TMEM131: variants seen among roughly 807,000 people sequenced by gnomAD.
The protein encoded by TMEM131 is 2610524E03Rik.
A neutral mutation model predicts 211.6 loss-of-function variants in TMEM131; 66 were observed. That is an observed-to-expected ratio of 0.31 (90% confidence interval 0.26 to 0.38). The LOEUF (loss-of-function observed/expected upper bound fraction) is 0.38. Among genes scored for constraint, TMEM131 ranks in the 10% least tolerant of loss-of-function variants. The probability of loss-of-function intolerance (pLI) is 1.00; values close to 1 mark genes in which losing one functional copy is unlikely to be tolerated. For synonymous variants in TMEM131, 844 were observed against 841.3 expected (o/e 1.00, Z -0.06); for missense variants, 2,036 against 2,299.3 (o/e 0.89, Z 2.34).
At chr2:97,758,654 C>T (rs530665933) in intron 40 of TMEM131, among the ~76,000 whole-genome samples, 5 of 152,360 alleles carry the variant, frequency 3.3e-5, no homozygotes, top group African/African-American at 1.2e-4. Flanking sequence ...AGACCAACCC[C>T]ATAGCTGTTC....
intron 31 of TMEM131, among the ~76,000 whole-genome samples, chr2:97,777,911 C>T (rs1679814262): frequency 6.6e-6 from 1 of 152,204 alleles, no homozygotes; most frequent in East Asian, 1.9e-4. Flanking sequence ...AGCTTCTCCC[C>T]ATCATGGTAG....
rs1490623019 is a variant in TMEM131, at chr2:97,811,227, T to C, written c.1869A>G (p.Thr623=). The C allele has an allele frequency of 6.2e-7, 1 of 1,612,160 alleles. No homozygotes were observed. The highest frequency in any genetic ancestry group is 8.5e-7 in the Non-Finnish European group (1 of 1,178,388). The change falls in exon 18 of 41, where the codon ACA becomes ACG. Residue 623 remains threonine (T), a synonymous_variant. Coordinates refer to ENST00000186436, the MANE Select transcript of TMEM131 (RefSeq NM_015348.2). ...AGACTGCAAAATAGCCTGAAGCTAA[T>C]GTTACCTGTAGATAGTAGAAATGGT... ...KSSLSDQSSV[T]LASGYFAVFR...
intron 8 of TMEM131, among the ~76,000 whole-genome samples, chr2:97,835,953 C>A (rs906423888): frequency 1.3e-5 from 2 of 152,136 alleles, no homozygotes; most frequent in Non-Finnish European, 2.9e-5. Flanking sequence ...AATCTGAATT[C>A]TCTTAGGTTT....
intron 1 of TMEM131, among the ~76,000 whole-genome samples, chr2:97,942,993 GA>G (rs1409565904): frequency 3.3e-5 from 1 of 30,742 alleles, no homozygotes; most frequent in Non-Finnish European, 6.9e-5. Context: ...AGAAAAGAAA[GA>G]AAAGAAAGAA....
chr2:97,923,835 C>A (rs963667810), intron 2 of TMEM131, among the ~76,000 whole-genome samples: 4 of 151,952 alleles, frequency 2.6e-5, no homozygotes, highest in Non-Finnish European at 4.4e-5. Flanking sequence ...AATCCCCGCA[C>A]TTGGGGAGGC....
At chr2:97,879,541 A>G (rs1674836275) in intron 4 of TMEM131, among the ~76,000 whole-genome samples, 1 of 152,202 alleles carries the variant, frequency 6.6e-6, no homozygotes, top group Non-Finnish European at 1.5e-5. Context: ...GTTATGCAGA[A>G]TGTCCTTATA....
chr2:97,757,267 G>A lies in TMEM131; in HGVS notation c.5484C>T (p.Ser1828=), dbSNP rs1447027087. The stretch of plus-strand genomic sequence containing the variant: ...AGTTTTCTGTGCCCATGAGGCCGAT[G>A]CTTGCCAGCGTGTTTGCTGGAGTGG... ...PFTTPANTLA[S]IGLMGTENSP... The change falls in exon 41 of 41, where the codon AGC becomes AGT. Residue 1828 remains serine (S), a synonymous_variant. Coordinates refer to ENST00000186436, the MANE Select transcript of TMEM131 (RefSeq NM_015348.2). 1 of 1,613,970 alleles carries A rather than the reference G, an allele frequency of 6.2e-7. No individual in the cohort carries two copies. The highest frequency in any genetic ancestry group is 1.1e-5 in the South Asian group (1 of 91,084).
chr2:97,779,621 T>G (rs1443009987), intron 31 of TMEM131, among the ~76,000 whole-genome samples: 1 of 152,166 alleles, frequency 6.6e-6, no homozygotes, highest in Non-Finnish European at 1.5e-5. Context: ...AAATGCAAAT[T>G]CTATGGCCCC....
At chr2:97,825,455 G>C (rs1682334670) in intron 11 of TMEM131, among the ~76,000 whole-genome samples, 1 of 152,098 alleles carries the variant, frequency 6.6e-6, no homozygotes, top group African/African-American at 2.4e-5. Context: ...ACAGTTACGG[G>C]GGTTCCTTGG....
intron 1 of TMEM131, among the ~76,000 whole-genome samples, chr2:97,961,980 C>T (rs1340240629): frequency 6.6e-6 from 1 of 152,162 alleles, no homozygotes; most frequent in African/African-American, 2.4e-5. Context: ...TGAATATTGA[C>T]TCCCACCTCC....
At chr2:97,823,495 G>A (rs935532213) in intron 11 of TMEM131, among the ~76,000 whole-genome samples, 3 of 152,164 alleles carry the variant, frequency 2.0e-5, no homozygotes, top group East Asian at 1.9e-4. Context: ...AAAAAATGCG[G>A]CTTTAGCTGC....
chr2:97,846,368 G>A (rs1327052890), intron 5 of TMEM131, among the ~76,000 whole-genome samples: 2 of 152,120 alleles, frequency 1.3e-5, no homozygotes, highest in Non-Finnish European at 1.5e-5. Context: ...TTTTAACCTA[G>A]AAATGCAATT....
At chr2:97,928,890 T>C (rs1012878450) in intron 1 of TMEM131, among the ~76,000 whole-genome samples, 1 of 151,862 alleles carries the variant, frequency 6.6e-6, no homozygotes, top group African/African-American at 2.4e-5. Context: ...TAAGAATTCA[T>C]GTTTAGTGAA....
Position 97,756,996 on chromosome 2 carries a change from G to A in TMEM131, c.*103C>T. 7.2e-7 allele frequency: 1 copy of A among 1,382,514 alleles called. No individual in the cohort carries two copies. The highest frequency in any genetic ancestry group is 9.6e-7 in the Non-Finnish European group (1 of 1,043,150). The allele number at this position is 1,382,514 out of a possible 1,614,324, so 85.6% of individuals were successfully genotyped here. A position where few individuals can be genotyped will look rare whatever the true frequency, so the allele number is the denominator to read the frequency against. On this transcript the variant is annotated 3_prime_UTR_variant, in exon 41 of 41. Coordinates refer to ENST00000186436, the MANE Select transcript of TMEM131 (RefSeq NM_015348.2). ...GGTCTGTTTTGCAAAGAAGAGGAGGGTGGGGAGGGGAGCTGCAGTAAGAGC... is the reference window on the plus strand; with the variant it reads ...GGTCTGTTTTGCAAAGAAGAGGAGGATGGGGAGGGGAGCTGCAGTAAGAGC...
At chr2:97,783,074 A>T (rs1680090902) in intron 31 of TMEM131, among the ~76,000 whole-genome samples, 1 of 152,150 alleles carries the variant, frequency 6.6e-6, no homozygotes, top group Non-Finnish European at 1.5e-5. Context: ...AAACCTTGAA[A>T]TCAGCCAGAG....
In TMEM131 at chr2:97,995,926, G is replaced by C. The variant is rs1680497621; in HGVS notation, c.-264C>G. On this transcript the variant is annotated 5_prime_UTR_variant, in exon 1 of 41. Coordinates refer to ENST00000186436, the MANE Select transcript of TMEM131 (RefSeq NM_015348.2). ...GTCAGGCGCGGCGGGCGGCCATACT[G>C]GAAACGGGCACGGCCCGCGAGCCCT... 1 of 200,998 alleles carries C rather than the reference G, an allele frequency of 5.0e-6. No homozygotes were observed. The highest frequency in any genetic ancestry group is 9.9e-6 in the Non-Finnish European group (1 of 100,758). 12.5% of individuals were successfully genotyped at this position (200,998 alleles called of 1,614,324 possible).
At chr2:97,865,298 T>G (rs1200866059) in intron 4 of TMEM131, among the ~76,000 whole-genome samples, 4 of 152,250 alleles carry the variant, frequency 2.6e-5, no homozygotes, top group African/African-American at 9.6e-5. Context: ...TCTATTGCCA[T>G]GGTCAAACTT....
At chr2:97,942,422 A>G (rs1053345581) in intron 1 of TMEM131, among the ~76,000 whole-genome samples, 6 of 151,970 alleles carry the variant, frequency 3.9e-5, no homozygotes, top group Non-Finnish European at 8.8e-5. Flanking sequence ...ACATGTATAC[A>G]TATGTAACAA....
At chr2:97,871,706 C>T (rs1674495536) in intron 4 of TMEM131, among the ~76,000 whole-genome samples, 1 of 152,172 alleles carries the variant, frequency 6.6e-6, no homozygotes, top group South Asian at 2.1e-4. Context: ...AGCCCCCTGC[C>T]CACAAAACTA....
Sources: gnomAD v4.1 joint callset for allele counts (sites outside exome capture counted in the v4.1 genomes callset) on GRCh38, gnomAD v4.1.1 for gene constraint, MANE v1.5 for transcripts, NCBI Gene and HGNC (gene_info 2026-07-23, HGNC 2026-07-21) for gene names.